Variants in NFKBIZ observed in about 807,000 individuals in gnomAD.
NFKBIZ encodes NF-kappa-B inhibitor zeta.
Under a neutral mutation model 76.8 loss-of-function variants are expected in NFKBIZ, and 19 were observed. The ratio of observed to expected loss-of-function variants is 0.25; its 90% CI spans 0.17 to 0.36. The LOEUF is 0.36. Ranked by LOEUF, NFKBIZ falls within the 10% of genes least tolerant of loss-of-function variation. NFKBIZ has a pLI of 1.00. For missense variants in NFKBIZ, 829 were observed against 910.9 expected, an observed-to-expected ratio of 0.91 and a Z score of 1.16; for synonymous variants, 368 against 354.8, an observed-to-expected ratio of 1.04 and a Z score of -0.42.
Position 101,857,053 on chromosome 3 carries a change from T to A in NFKBIZ, c.1825-20T>A. 38 of 1,459,308 alleles carry A rather than the reference T, an allele frequency of 2.6e-5. No individual in the cohort carries two copies. Among genetic ancestry groups the A allele is most frequent in the Non-Finnish European group, 3.5e-5 (37 of 1,056,208 alleles). The allele number at this position is 1,459,308 out of a possible 1,614,324, so 90.4% of individuals were successfully genotyped here. A position where few individuals can be genotyped will look rare whatever the true frequency, so the allele number is the denominator to read the frequency against. On this transcript the variant is annotated intron_variant, in intron 9 of 11. Coordinates refer to ENST00000326172, the MANE Select transcript of NFKBIZ (RefSeq NM_031419.4). ...TCTGGATTTTTTTTTTTTTTTTTCC[T>A]CCCTCTTGCCTTTGACAAGGATCGC...
chr3:101,854,626 T>C lies in NFKBIZ; in HGVS notation c.1386T>C (p.Val462=). ...AAGGGAGAAGGGCACTTTCCTATGT[T>C]CTTGCAAGAAAGATGAATGCACTTC... The part of the protein sequence containing the change: ...VAQGRRALSY[V]LARKMNALHM... The change falls in exon 6 of 12, where the codon GTT becomes GTC. Residue 462 remains valine, a synonymous_variant. Transcript: ENST00000326172. 6.2e-7 allele frequency: 1 copy of C among 1,614,078 alleles called. No homozygotes were observed. The highest frequency in any genetic ancestry group is 8.5e-7 in the Non-Finnish European group (1 of 1,179,970).
chr3:101,852,596 A>C (rs1309943476), intron 2 of NFKBIZ, 142 bp from the exon 3 acceptor site: 2 of 609,662 alleles, frequency 3.3e-6, no homozygotes, highest in Non-Finnish European at 5.7e-6. Flanking sequence ...AAAAATTGAT[A>C]TAGAAAATCA....
At chr3:101,852,437 A>G (rs1487534936) in intron 2 of NFKBIZ, among the ~76,000 whole-genome samples, 1 of 152,232 alleles carries the variant, frequency 6.6e-6, no homozygotes, top group Non-Finnish European at 1.5e-5. Context: ...GAGAAACTCA[A>G]TGAATAAATA....
intron 5 of NFKBIZ, 102 bp from the exon 6 acceptor site, chr3:101,854,476 T>A: frequency 1.5e-6 from 1 of 685,006 alleles, no homozygotes; most frequent in Middle Eastern, 2.5e-4. Flanking sequence ...AGTGTACCAA[T>A]ATATAAAAAG....
chr3:101,853,110 C>A lies in NFKBIZ; in HGVS notation c.584C>A (p.Thr195Lys). Reference sequence around the variant, plus strand: ...TTCCAGACACCACCTCAAACACCAACGCCCGGGGAGAGCATGGAAGATGTT... The same window carrying A: ...TTCCAGACACCACCTCAAACACCAAAGCCCGGGGAGAGCATGGAAGATGTT... ...SQFLTPPQTP[T>K]PGESMEDVHL... Residue 195 changes from threonine to lysine, a missense_variant, in exon 5 of 12, where the codon ACG becomes AAG. Coordinates refer to ENST00000326172, the MANE Select transcript of NFKBIZ (RefSeq NM_031419.4). The A allele has an allele frequency of 6.2e-7, 1 of 1,613,694 alleles. No individual in the cohort carries two copies. Among genetic ancestry groups the A allele is most frequent in the Non-Finnish European group, 8.5e-7 (1 of 1,179,628 alleles).
chr3:101,831,462 G>A (rs200602506), intron 2 of NFKBIZ, among the ~76,000 whole-genome samples: 1 of 152,110 alleles, frequency 6.6e-6, no homozygotes, highest in East Asian at 1.9e-4. Flanking sequence ...TCTGTGGTTT[G>A]TTGTCTTTTT....
chr3:101,847,939 G>A (rs1253862669), upstream of NFKBIZ, among the ~76,000 whole-genome samples: 7 of 152,204 alleles, frequency 4.6e-5, no homozygotes, highest in South Asian at 4.1e-4. Flanking sequence ...TCACCTGGTC[G>A]TGGCTCCAAG....
upstream of NFKBIZ, among the ~76,000 whole-genome samples, chr3:101,844,526 C>T (rs1021482039): frequency 5.9e-5 from 9 of 152,116 alleles, no homozygotes; most frequent in African/African-American, 1.9e-4. Flanking sequence ...TGATGAGATT[C>T]GAAAAGTTAT....
Position 101,853,646 on chromosome 3 carries a change from T to C in NFKBIZ, c.1120T>C (p.Phe374Leu), listed in dbSNP as rs1400095243. ...GCAAAATGATGCTCACTTGCACAGCTTCAGCATGATGCCCAGCAGCGCCTG... is the reference window on the plus strand; with the variant it reads ...GCAAAATGATGCTCACTTGCACAGCCTCAGCATGATGCCCAGCAGCGCCTG... ...QQQNDAHLHS[F>L]SMMPSSACEA... is the part of the protein sequence containing the mutation. The change falls in exon 5 of 12, where the codon TTC (phenylalanine) becomes CTC (leucine). Residue 374 changes from phenylalanine (F) to leucine (L), a missense_variant. Around this residue, in one of 4 missense-constraint regions of NFKBIZ, gnomAD observed 371 missense variants for 332.3 expected, o/e 1.12. Transcript: ENST00000326172. The C allele has an allele frequency of 1.9e-6, 3 of 1,614,252 alleles. No homozygotes were observed. The highest frequency in any genetic ancestry group is 2.5e-6 in the Non-Finnish European group (3 of 1,180,048).
intron 2 of NFKBIZ, 120 bp downstream of exon 2, chr3:101,852,344 C>A: frequency 1.6e-6 from 2 of 1,237,766 alleles, no homozygotes; most frequent in Non-Finnish European, 2.3e-6. Flanking sequence ...CATAAGATGA[C>A]AAAGTCCATA....
intron 11 of NFKBIZ, chr3:101,857,693 T>G (rs550776275): frequency 4.1e-6 from 4 of 985,430 alleles, no homozygotes; most frequent in East Asian, 1.1e-4. Context: ...TCAGGTAGTA[T>G]TCTGTGACAC....
At position 101,853,000 on chromosome 3, in the gene NFKBIZ, C is replaced by T. The variant is rs780302666; in HGVS notation, c.564+11C>T. 8.7e-6 allele frequency: 14 copies of T among 1,613,708 alleles called. No homozygotes were observed. The highest frequency in any genetic ancestry group is 1.2e-5 in the Non-Finnish European group (14 of 1,179,668). On this transcript the variant is annotated intron_variant, in intron 4 of 11. Transcript: ENST00000326172. ...CATTCCCAATTTTTGGTAAGTATCT[C>T]ACCATTTTCCTCTGACTATCCTTTG...
intron 9 of NFKBIZ, 92 bp downstream of exon 9, chr3:101,855,994 TC>T: frequency 8.2e-7 from 1 of 1,217,590 alleles, no homozygotes; most frequent in Non-Finnish European, 1.1e-6. Context: ...CAAACTTCTT[TC>T]TTTTTTTTCT....
chr3:101,855,468 T>G lies in NFKBIZ; in HGVS notation c.1654+10T>G. The stretch of plus-strand genomic sequence containing the variant: ...GCAACTAACTATGATGGTAAGCAAC[T>G]GAAACTTTATTAGATTCAGAGCCAC... On this transcript the variant is annotated intron_variant, in intron 8 of 11. Transcript: ENST00000326172. 1 of 1,612,594 alleles carries G rather than the reference T, an allele frequency of 6.2e-7. No individual in the cohort carries two copies. Among genetic ancestry groups the G allele is most frequent in the Non-Finnish European group, 8.5e-7 (1 of 1,178,566 alleles).
chr3:101,848,738 CAT>C (rs1257163647), upstream of NFKBIZ, among the ~76,000 whole-genome samples: 1 of 152,224 alleles, frequency 6.6e-6, no homozygotes, highest in African/African-American at 2.4e-5. Flanking sequence ...ACAGCACCTA[CAT>C]GTTTGTGTAT....
At chr3:101,849,109 C>G (rs1942897303), upstream of NFKBIZ, 1 of 152,518 alleles carries the variant, frequency 6.6e-6, no homozygotes, top group African/African-American at 2.4e-5. Context: ...CACTGACTCC[C>G]GCCTCCCTCT....
At chr3:101,848,932 G>A (rs1181250729), upstream of NFKBIZ, 1 of 152,260 alleles carries the variant, frequency 6.6e-6, no homozygotes, top group African/African-American at 2.4e-5. Context: ...CGCTATGTTT[G>A]AGAAGGGAGG....
intron 2 of NFKBIZ, among the ~76,000 whole-genome samples, chr3:101,831,514 T>C (rs780326485): frequency 1.6e-4 from 25 of 152,322 alleles, no homozygotes; most frequent in Middle Eastern, 3.4e-3. Context: ...TCATGGATTT[T>C]AAAAGTACTG....
intron 6 of NFKBIZ, 133 bp from the exon 7 acceptor site, chr3:101,854,929 A>C: frequency 9.8e-7 from 1 of 1,017,042 alleles, no homozygotes; most frequent in East Asian, 2.6e-5. Context: ...CTTGTCTTAC[A>C]GTATCTGATT....
Sources: allele counts gnomAD v4.1 joint callset (sites outside exome capture counted in the v4.1 genomes callset), GRCh38; gene constraint gnomAD v4.1.1; regional missense constraint gnomAD v4.1.1; transcripts MANE v1.5; gene names NCBI Gene and HGNC (gene_info 2026-07-23, HGNC 2026-07-21).